Variants in ATP6V1A observed in about 807,000 individuals in gnomAD.
ATP6V1A encodes the protein V-type proton ATPase catalytic subunit A.
ATP6V1A carries 18 observed loss-of-function variants against 70.1 expected under a neutral mutation model. The ratio of observed to expected loss-of-function variants is 0.26; its 90% CI spans 0.18 to 0.38. The LOEUF (loss-of-function observed/expected upper bound fraction) is 0.38. Among genes scored for constraint, ATP6V1A ranks in the 10% least tolerant of loss-of-function variants. The pLI, the probability that ATP6V1A is intolerant of heterozygous loss-of-function variation, is 1.00. For missense variants in ATP6V1A, 424 were observed against 772.4 expected, an observed-to-expected ratio of 0.55 and a Z score of 5.35; for synonymous variants, 232 against 253.8, an observed-to-expected ratio of 0.91 and a Z score of 0.82.
At chr3:113,759,744 C>T (rs904027471) in intron 1 of ATP6V1A, among the ~76,000 whole-genome samples, 5 of 152,088 alleles carry the variant, frequency 3.3e-5, no homozygotes, top group African/African-American at 1.2e-4. Flanking sequence ...AATGTGTATT[C>T]AGTGTACTTT....
At chr3:113,757,839 G>A (rs1297828938) in intron 1 of ATP6V1A, among the ~76,000 whole-genome samples, 1 of 152,210 alleles carries the variant, frequency 6.6e-6, no homozygotes, top group African/African-American at 2.4e-5. Context: ...AGGTCAAATA[G>A]TCCTTTAGAA....
chr3:113,782,287 TA>T (rs1441074860), intron 3 of ATP6V1A, among the ~76,000 whole-genome samples: 1 of 152,074 alleles, frequency 6.6e-6, no homozygotes, highest in Non-Finnish European at 1.5e-5. Context: ...TTTCTATTTT[TA>T]CTTTTATCTT....
At position 113,764,538 on chromosome 3, in the gene ATP6V1A, GA is replaced by G. The variant is rs200072617; in HGVS notation, c.-13-14199del. On this transcript the variant is annotated intron_variant, in intron 1 of 14. Coordinates refer to ENST00000273398, the MANE Select transcript of ATP6V1A (RefSeq NM_001690.4). Reference sequence around the variant, plus strand: ...TTAAAATTATAAGCATATTGCTTCTGAAAACAGATTTTAAAGAAAGATGTGT... The same window carrying G: ...TTAAAATTATAAGCATATTGCTTCTGAAACAGATTTTAAAGAAAGATGTGT... Among the ~76,000 whole-genome samples, 896 of 152,272 alleles carry G rather than the reference GA, an allele frequency of 5.9e-3. 13 individuals are homozygous for G. The highest frequency in any genetic ancestry group is 0.021 in the African/African-American group (854 of 41,546).
intron 13 of ATP6V1A, among the ~76,000 whole-genome samples, chr3:113,804,041 G>A (rs113263416): frequency 0.014 from 2,076 of 152,098 alleles, 59 homozygotes; most frequent in African/African-American, 0.048. Flanking sequence ...TCTGTCACCC[G>A]AGCTAGAGTG....
chr3:113,808,235 C>T (rs1481872864), intron 14 of ATP6V1A, among the ~76,000 whole-genome samples: 1 of 150,576 alleles, frequency 6.6e-6, no homozygotes, highest in Non-Finnish European at 1.5e-5. Context: ...AGTATGGAGT[C>T]CCAGAAGTGG....
chr3:113,788,931 T>C (rs1459345704), intron 7 of ATP6V1A, 56 bp downstream of exon 7: 20 of 1,497,026 alleles, frequency 1.3e-5, no homozygotes, highest in Admixed American at 1.8e-5. Flanking sequence ...TCAGTGTTCA[T>C]TGACAATTAA....
At chr3:113,766,487 G>T (rs981626925) in intron 1 of ATP6V1A, among the ~76,000 whole-genome samples, 1 of 152,012 alleles carries the variant, frequency 6.6e-6, no homozygotes, top group Non-Finnish European at 1.5e-5. Flanking sequence ...TAGGGACAAG[G>T]TCTCACTATG....
intron 1 of ATP6V1A, among the ~76,000 whole-genome samples, chr3:113,770,075 C>T (rs1170830701): frequency 6.6e-6 from 1 of 151,496 alleles, no homozygotes; most frequent in African/African-American, 2.4e-5. Flanking sequence ...ATTTTTGAGA[C>T]TCTCACTCTG....
chr3:113,784,479 A>G, intron 4 of ATP6V1A, 41 bp downstream of exon 4: 1 of 1,535,294 alleles, frequency 6.5e-7, no homozygotes, highest in Non-Finnish European at 9.0e-7. Flanking sequence ...TTATTGAAAG[A>G]ATATAAAATG....
At chr3:113,801,538 T>C (rs1390579256) in intron 12 of ATP6V1A, among the ~76,000 whole-genome samples, 1 of 152,234 alleles carries the variant, frequency 6.6e-6, no homozygotes, top group Non-Finnish European at 1.5e-5. Flanking sequence ...CCCTGGAACC[T>C]AGCAATTCTG....
chr3:113,789,883 A>T lies in ATP6V1A; in HGVS notation c.988+43A>T, dbSNP rs763117990. The T allele has an allele frequency of 5.4e-6, 8 of 1,471,282 alleles. No individual in the cohort carries two copies. The South Asian group carries it at 9.1e-5, about 17-fold the overall frequency. 91.1% of individuals were successfully genotyped at this position (1,471,282 alleles called of 1,614,324 possible). On this transcript the variant is annotated intron_variant, in intron 8 of 14. Coordinates refer to ENST00000273398, the MANE Select transcript of ATP6V1A (RefSeq NM_001690.4). ...ATAAAAGCAGTTAACATCTGTTCTTAAGTGTAAAGCTAGCACCAAACTTTT... is the reference window on the plus strand; with the variant it reads ...ATAAAAGCAGTTAACATCTGTTCTTTAGTGTAAAGCTAGCACCAAACTTTT...
intron 1 of ATP6V1A, among the ~76,000 whole-genome samples, chr3:113,749,135 C>T (rs1372456525): frequency 6.6e-6 from 1 of 152,086 alleles, no homozygotes; most frequent in Non-Finnish European, 1.5e-5. Context: ...TCACAATTCC[C>T]CCAGTTTTAG....
rs149457538 is a variant in ATP6V1A at position 113,758,592 on chromosome 3, T to C, written c.-14+11479T>C. Among the ~76,000 whole-genome samples the C allele has an allele frequency of 1.9e-3, 285 of 152,352 alleles. 1 individual carries two copies. Among genetic ancestry groups the C allele is most frequent in the African/African-American group, 6.7e-3 (277 of 41,590 alleles). On this transcript the variant is annotated intron_variant, in intron 1 of 14. Coordinates refer to ENST00000273398, the MANE Select transcript of ATP6V1A (RefSeq NM_001690.4). ...TTATCCATTCACCCATTGCTGGATA[T>C]TTGTGCTGTCTTTCCACTTTTTGGC...
In ATP6V1A at chr3:113,811,364, T is replaced by C. The variant is rs12736; in HGVS notation, c.*1937T>C. On this transcript the variant is annotated 3_prime_UTR_variant, in exon 15 of 15. Transcript: ENST00000273398. ...CTGCTATTGAGGAAAGGTATTCTTC[T>C]ATACAACTTGTTTTAACCTTTGAGA... 0.35 allele frequency: 54,011 copies of C among 152,440 alleles called. 9,709 individuals carry two copies. Among genetic ancestry groups the C allele is most frequent in the African/African-American group, 0.38 (15,842 of 41,474 alleles). 9.4% of individuals were successfully genotyped at this position (152,440 alleles called of 1,614,324 possible).
intron 14 of ATP6V1A, among the ~76,000 whole-genome samples, chr3:113,807,171 T>C (rs1226347377): frequency 7.3e-6 from 1 of 137,232 alleles, no homozygotes; most frequent in Non-Finnish European, 1.6e-5. Flanking sequence ...TTAAATTCTT[T>C]TTCTTTTTTT....
At position 113,798,454 on chromosome 3, in the gene ATP6V1A, GT is replaced by G. The variant is rs1250826700; in HGVS notation, c.1494+10del. On this transcript the variant is annotated intron_variant, in intron 12 of 14. Transcript: ENST00000273398. Reference sequence around the variant, plus strand: ...GTACAGCTTGTGGGAAAGGTGAGTTGTTAAATTCCATGGAAGATAGATCTGT... The same window carrying G: ...GTACAGCTTGTGGGAAAGGTGAGTTGTAAATTCCATGGAAGATAGATCTGT... The G allele has an allele frequency of 6.2e-7, 1 of 1,613,298 alleles. No individual in the cohort carries two copies. The highest frequency in any genetic ancestry group is 1.1e-5 in the South Asian group (1 of 90,896).
intron 1 of ATP6V1A, among the ~76,000 whole-genome samples, chr3:113,761,106 T>TC (rs1032951427): frequency 5.9e-5 from 9 of 151,710 alleles, no homozygotes; most frequent in Non-Finnish European, 1.2e-4. Flanking sequence ...TCTTTTCTTT[T>TC]TTTTTTTCTT....
At chr3:113,770,141 C>T (rs185346742) in intron 1 of ATP6V1A, among the ~76,000 whole-genome samples, 120 of 152,076 alleles carry the variant, frequency 7.9e-4, no homozygotes, top group African/African-American at 2.6e-3. Context: ...CTCCACCTCC[C>T]GGGTTCAAGC....
chr3:113,749,263 T>TCACACACACACA lies in ATP6V1A; in HGVS notation c.-14+2182_-14+2193dup, dbSNP rs58516178. 8.6e-4 allele frequency among the ~76,000 whole-genome samples: 122 copies of TCACACACACACA among 141,254 alleles called. 2 individuals are homozygous for TCACACACACACA. Among genetic ancestry groups the TCACACACACACA allele is most frequent in the African/African-American group, 3.0e-3 (115 of 37,946 alleles). The allele number at this position is 141,254 out of a possible 152,430, so 92.7% of individuals were successfully genotyped here. On this transcript the variant is annotated intron_variant, in intron 1 of 14. Transcript: ENST00000273398. ...AAAAAGCTTTGACATTATACACAGA[T>TCACACACACACA]CACACACACACACACACACACACAC...
Sources: gnomAD v4.1 joint callset for allele counts (sites outside exome capture counted in the v4.1 genomes callset) on GRCh38, gnomAD v4.1.1 for gene constraint, MANE v1.5 for transcripts, NCBI Gene and HGNC (gene_info 2026-07-23, HGNC 2026-07-21) for gene names.